The following SPATA9 variants were observed in gnomAD, a reference collection of about 807,000 sequenced individuals.
SPATA9 encodes spermatogenesis associated 9.
A neutral mutation model predicts 25.5 loss-of-function variants in SPATA9; 27 were observed. The observed-to-expected ratio is 1.06, with a 90% CI of 0.78 to 1.46. The LOEUF (loss-of-function observed/expected upper bound fraction) is 1.46. SPATA9 is among the 40% of genes most tolerant of loss of function. The pLI, the probability that SPATA9 is intolerant of heterozygous loss-of-function variation, is 0.00. For missense variants in SPATA9, 282 were observed against 297.5 expected, an observed-to-expected ratio of 0.95 and a Z score of 0.38; for synonymous variants, 102 against 105.7, an observed-to-expected ratio of 0.97 and a Z score of 0.21.
chr5:95,723,326 A>C, the SPATA9 span, among the ~76,000 whole-genome samples: 1 of 152,240 alleles, frequency 6.6e-6, no homozygotes, highest in Non-Finnish European at 1.5e-5. Context: ...CTAGATTCTC[A>C]CTTGGACTTC....
At chr5:95,715,191 G>T in the SPATA9 span, among the ~76,000 whole-genome samples, 5 of 152,032 alleles carry the variant, frequency 3.3e-5, no homozygotes, top group South Asian at 1.0e-3. Flanking sequence ...GGGCGTGGTG[G>T]TGCATGCCTG....
intron 2 of SPATA9, among the ~76,000 whole-genome samples, chr5:95,676,993 C>G (rs1752999574): frequency 6.6e-6 from 1 of 152,188 alleles, no homozygotes; most frequent in Non-Finnish European, 1.5e-5. Flanking sequence ...TTTGCACTAG[C>G]TATGCCATTT....
intron 1 of SPATA9, among the ~76,000 whole-genome samples, chr5:95,697,924 C>T (rs893662200): frequency 3.4e-5 from 5 of 146,510 alleles, no homozygotes; most frequent in African/African-American, 1.4e-4. Flanking sequence ...AAAAGCAGCT[C>T]ACAGCTCAAT....
downstream of SPATA9, chr5:95,657,077 A>G (rs1750805013): frequency 6.6e-6 from 1 of 152,198 alleles, no homozygotes. Flanking sequence ...AAAGTCTCCT[A>G]TTCAGTGAGC....
chr5:95,728,124 G>A, the SPATA9 span, among the ~76,000 whole-genome samples: 15 of 152,304 alleles, frequency 9.8e-5, no homozygotes, highest in South Asian at 2.1e-4. Flanking sequence ...GTTGAGAAAC[G>A]TCATTTAGCT....
At chr5:95,662,590 A>G (rs1470560203) in intron 4 of SPATA9, among the ~76,000 whole-genome samples, 1 of 152,198 alleles carries the variant, frequency 6.6e-6, no homozygotes, top group East Asian at 1.9e-4. Flanking sequence ...AAAAGACATT[A>G]TTAAAAGAAT....
the SPATA9 span, among the ~76,000 whole-genome samples, chr5:95,725,658 C>T: frequency 2.0e-5 from 3 of 152,166 alleles, no homozygotes; most frequent in African/African-American, 7.2e-5. Flanking sequence ...CTATAAAATT[C>T]TTGTTTCCAC....
At chr5:95,697,453 A>G (rs1180113106) in intron 1 of SPATA9, among the ~76,000 whole-genome samples, 3 of 152,140 alleles carry the variant, frequency 2.0e-5, no homozygotes, top group African/African-American at 7.2e-5. Flanking sequence ...GCAAGGAGAG[A>G]CACACAGAGA....
upstream of SPATA9, among the ~76,000 whole-genome samples, chr5:95,683,694 C>T (rs1016180717): frequency 3.2e-4 from 48 of 152,064 alleles, no homozygotes; most frequent in Non-Finnish European, 1.3e-4. Context: ...CCCACCACCA[C>T]GCCTGGCTAA....
rs536479739 is a variant in SPATA9 at position 95,665,989 on chromosome 5, TA to T, written c.379-1942del. ...CATCTCAAAATAAATAAATAAAAGG[TA>T]CTTCTGAAGAACACGTGATAACTTT... On this transcript the variant is annotated intron_variant, in intron 3 of 4. Coordinates refer to ENST00000274432, the MANE Select transcript of SPATA9 (RefSeq NM_031952.4). Among the ~76,000 whole-genome samples the T allele has an allele frequency of 1.2e-4, 18 of 152,178 alleles. No individual in the cohort carries two copies. In the South Asian group the frequency reaches 3.7e-3, roughly 32 times the overall value.
intron 1 of SPATA9, among the ~76,000 whole-genome samples, chr5:95,693,358 T>C (rs1228123524): frequency 6.6e-6 from 1 of 152,200 alleles, no homozygotes; most frequent in Non-Finnish European, 1.5e-5. Context: ...AAATAAAGCA[T>C]AATATATCCA....
the SPATA9 span, chr5:95,730,825 A>AT: frequency 2.2e-6 from 1 of 448,780 alleles, no homozygotes; most frequent in Non-Finnish European, 4.5e-6. Flanking sequence ...TGTTGCCTTT[A>AT]TTTTTTCTCA....
the SPATA9 span, chr5:95,731,107 T>G: frequency 9.0e-7 from 1 of 1,108,502 alleles, no homozygotes; most frequent in Non-Finnish European, 1.1e-6. Context: ...GCTCTCGGGC[T>G]GGGGCGTTGT....
At chr5:95,718,684 T>C in the SPATA9 span, among the ~76,000 whole-genome samples, 4 of 152,266 alleles carry the variant, frequency 2.6e-5, no homozygotes, top group Admixed American at 1.3e-4. Flanking sequence ...AACCCAGATA[T>C]GGGAATCGAA....
the SPATA9 span, among the ~76,000 whole-genome samples, chr5:95,713,357 T>G: frequency 6.6e-6 from 1 of 151,938 alleles, no homozygotes; most frequent in Non-Finnish European, 1.5e-5. Flanking sequence ...AGGGGCCCGG[T>G]GGGAGGTGAT....
chr5:95,710,239 G>A, the SPATA9 span, among the ~76,000 whole-genome samples: 3 of 152,178 alleles, frequency 2.0e-5, no homozygotes, highest in African/African-American at 7.2e-5. Context: ...TGAAGATTGG[G>A]TGGGCCAGTT....
At chr5:95,654,040 TCC>T, downstream of SPATA9, 1 of 1,600,466 alleles carries the variant, frequency 6.2e-7, no homozygotes, top group South Asian at 1.1e-5. Flanking sequence ...CTTGTAACTT[TCC>T]TTCTTTATGT....
At chr5:95,709,853 G>A in the SPATA9 span, among the ~76,000 whole-genome samples, 1 of 152,136 alleles carries the variant, frequency 6.6e-6, no homozygotes, top group East Asian at 1.9e-4. Flanking sequence ...GCATTTACCT[G>A]GGCGCAGGTT....
chr5:95,658,747 C>G lies in SPATA9; in HGVS notation c.641G>C (p.Arg214Thr). ...AEGEIKAKPY[R>T]SLPEKPDISD... ...AATGTCTGGCTTCTCCGGCAATGAC[C>G]TATAAGGTTTTGCTTTGATTTCACC... Residue 214 changes from arginine (R) to threonine (T), a missense_variant, in exon 5 of 5, where the codon AGG becomes ACG. Coordinates refer to ENST00000274432, the MANE Select transcript of SPATA9 (RefSeq NM_031952.4). The G allele has an allele frequency of 6.2e-7, 1 of 1,613,872 alleles. No homozygotes were observed. Among genetic ancestry groups the G allele is most frequent in the Middle Eastern group, 1.6e-4 (1 of 6,062 alleles).
Sources: gnomAD v4.1 joint callset for allele counts (sites outside exome capture counted in the v4.1 genomes callset) on GRCh38, gnomAD v4.1.1 for gene constraint, MANE v1.5 for transcripts, NCBI Gene and HGNC (gene_info 2026-07-23, HGNC 2026-07-21) for gene names.